Variants in MAGI2 observed in about 807,000 individuals in gnomAD.
MAGI2 encodes membrane-associated guanylate kinase, WW and PDZ domain-containing protein 2.
A neutral mutation model predicts 133.3 loss-of-function variants in MAGI2; 35 were observed. The observed-to-expected ratio is 0.26, with a 90% CI of 0.20 to 0.35. MAGI2 has a LOEUF of 0.35. Among genes scored for constraint, MAGI2 ranks in the 10% least tolerant of loss-of-function variants. The pLI, the probability that MAGI2 is intolerant of heterozygous loss-of-function variation, is 1.00. For synonymous variants in MAGI2, 729 were observed against 710.6 expected, an observed-to-expected ratio of 1.03 and a Z score of -0.41; for missense variants, 1,636 against 1,863.4, an observed-to-expected ratio of 0.88 and a Z score of 2.25.
intron 2 of MAGI2, among the ~76,000 whole-genome samples, chr7:78,746,581 T>C (rs766343095): frequency 2.0e-4 from 31 of 152,228 alleles, no homozygotes; most frequent in Non-Finnish European, 3.5e-4. Flanking sequence ...TTAAATTTCA[T>C]ACTAATGCCA....
chr7:79,316,268 C>G (rs904293460), intron 1 of MAGI2, among the ~76,000 whole-genome samples: 1 of 151,892 alleles, frequency 6.6e-6, no homozygotes, highest in Non-Finnish European at 1.5e-5. Flanking sequence ...ACCACCACCA[C>G]CCCCCCACTC....
At chr7:79,105,896 C>A (rs1280661723) in intron 1 of MAGI2, among the ~76,000 whole-genome samples, 1 of 151,686 alleles carries the variant, frequency 6.6e-6, no homozygotes, top group Non-Finnish European at 1.5e-5. Flanking sequence ...GTGGCTTAAA[C>A]ACATTAATAA....
chr7:78,620,058 A>C (rs1478177714), intron 3 of MAGI2, among the ~76,000 whole-genome samples: 1 of 152,010 alleles, frequency 6.6e-6, no homozygotes, highest in Non-Finnish European at 1.5e-5. Flanking sequence ...TTACTTACAC[A>C]GTAAAAATTT....
intron 3 of MAGI2, among the ~76,000 whole-genome samples, chr7:78,573,287 TATAA>T (rs1459026385): frequency 1.8e-4 from 11 of 61,556 alleles, no homozygotes; most frequent in South Asian, 4.9e-4. Flanking sequence ...TATATATTTA[TATAA>T]ATATATATAT....
At chr7:79,189,612 C>G (rs932368573) in intron 1 of MAGI2, among the ~76,000 whole-genome samples, 1 of 151,570 alleles carries the variant, frequency 6.6e-6, no homozygotes, top group African/African-American at 2.4e-5. Context: ...ATTGATGAAC[C>G]AATATTGATA....
At chr7:78,390,697 T>C (rs1795822764) in intron 6 of MAGI2, among the ~76,000 whole-genome samples, 3 of 152,166 alleles carry the variant, frequency 2.0e-5, no homozygotes, top group African/African-American at 4.8e-5. Flanking sequence ...TTAACTTCAA[T>C]AGTGCTACTT....
intron 2 of MAGI2, among the ~76,000 whole-genome samples, chr7:78,944,324 A>G (rs1346041161): frequency 6.6e-6 from 1 of 152,088 alleles, no homozygotes. Context: ...CAGGCCTTTC[A>G]GTGGCTGCCC....
At chr7:78,133,664 T>C (rs1049592136) in intron 17 of MAGI2, among the ~76,000 whole-genome samples, 1 of 152,176 alleles carries the variant, frequency 6.6e-6, no homozygotes, top group Admixed American at 6.5e-5. Context: ...AATTTTCAAC[T>C]GAAATTGACT....
At chr7:78,324,692 G>A (rs1478560631) in intron 9 of MAGI2, among the ~76,000 whole-genome samples, 1 of 152,178 alleles carries the variant, frequency 6.6e-6, no homozygotes, top group East Asian at 1.9e-4. Context: ...CAGGTGCGGT[G>A]GCTCACAACT....
intron 16 of MAGI2, among the ~76,000 whole-genome samples, chr7:78,135,437 G>A (rs894325974): frequency 6.6e-6 from 1 of 152,112 alleles, no homozygotes; most frequent in African/African-American, 2.4e-5. Flanking sequence ...ACAGACCAGG[G>A]GTTCTCAAAC....
intron 9 of MAGI2, among the ~76,000 whole-genome samples, chr7:78,325,773 C>A (rs868775759): frequency 1.3e-5 from 2 of 152,174 alleles, no homozygotes; most frequent in African/African-American, 2.4e-5. Flanking sequence ...AGCCACAGGG[C>A]AAGGGAGCCC....
intron 2 of MAGI2, among the ~76,000 whole-genome samples, chr7:78,763,901 G>T (rs1824759352): frequency 6.6e-6 from 1 of 152,112 alleles, no homozygotes; most frequent in African/African-American, 2.4e-5. Context: ...TTACATGTAT[G>T]CAGCTTGATA....
chr7:78,901,949 T>C (rs1797647848), intron 2 of MAGI2, among the ~76,000 whole-genome samples: 1 of 152,096 alleles, frequency 6.6e-6, no homozygotes, highest in Admixed American at 6.6e-5. Context: ...TTCTTTTACA[T>C]CCCAGCAATA....
intron 6 of MAGI2, among the ~76,000 whole-genome samples, chr7:78,470,991 T>C (rs772052553): frequency 2.0e-5 from 3 of 152,168 alleles, no homozygotes; most frequent in Non-Finnish European, 4.4e-5. Flanking sequence ...CCAAAATGAC[T>C]TCACAAGTCC....
Position 79,423,377 on chromosome 7 carries a change from A to T in MAGI2, c.301+29643T>A, listed in dbSNP as rs563911215. On this transcript the variant is annotated intron_variant, in intron 1 of 21. Coordinates refer to ENST00000354212, the MANE Select transcript of MAGI2 (RefSeq NM_012301.4). ...CAGATCCAAAATCATCTGATTTCAA[A>T]GTTCTCTTTTCATTTAATATTAATT... 3.0e-4 allele frequency among the ~76,000 whole-genome samples: 27 copies of T among 90,808 alleles called. 1 individual carries two copies. The South Asian group carries it at 8.4e-3, about 28-fold the overall frequency. The allele number at this position is 90,808 out of a possible 152,430, so 59.6% of individuals were successfully genotyped here. A position where few individuals can be genotyped will look rare whatever the true frequency, so the allele number is the denominator to read the frequency against.
chr7:78,493,402 T>G (rs1426086754), intron 5 of MAGI2, among the ~76,000 whole-genome samples: 1 of 152,206 alleles, frequency 6.6e-6, no homozygotes, highest in Non-Finnish European at 1.5e-5. Flanking sequence ...TCCCGTGTCA[T>G]TTCTCGATTG....
chr7:78,263,608 T>C (rs1043802244), intron 9 of MAGI2, among the ~76,000 whole-genome samples: 1 of 152,138 alleles, frequency 6.6e-6, no homozygotes, highest in African/African-American at 2.4e-5. Context: ...TCTCCACTTC[T>C]GGTCGGGATT....
At chr7:78,236,429 G>C (rs1790548654) in intron 10 of MAGI2, among the ~76,000 whole-genome samples, 1 of 152,066 alleles carries the variant, frequency 6.6e-6, no homozygotes, top group African/African-American at 2.4e-5. Context: ...TCTCTCCCTG[G>C]TGTCATAACA....
At chr7:78,940,615 A>G (rs1473637926) in intron 2 of MAGI2, 2 of 152,230 alleles carry the variant, frequency 1.3e-5, no homozygotes, top group Non-Finnish European at 1.5e-5. Flanking sequence ...AAAAGAAGCA[A>G]CAGCAACAGC....
Sources: gnomAD v4.1 joint callset for allele counts (sites outside exome capture counted in the v4.1 genomes callset) on GRCh38, gnomAD v4.1.1 for gene constraint, MANE v1.5 for transcripts, NCBI Gene and HGNC (gene_info 2026-07-23, HGNC 2026-07-21) for gene names.